COX10: variants seen among roughly 807,000 people sequenced by gnomAD.
COX10 encodes protoheme IX farnesyltransferase, mitochondrial.
COX10 carries 27 observed loss-of-function variants against 37.3 expected under a neutral mutation model. The observed-to-expected ratio is 0.72, with a 90% confidence interval of 0.53 to 1.00. The LOEUF is 1.00. Ranked by LOEUF, COX10 falls within the 50% of genes least tolerant of loss-of-function variation. The pLI is 0.00. For missense variants in COX10, 475 were observed against 563.2 expected (o/e 0.84, Z 1.59); for synonymous variants, 222 against 229.1 (o/e 0.97, Z 0.28).
intron 4 of COX10, among the ~76,000 whole-genome samples, chr17:14,139,085 A>G (rs1007225088): frequency 2.0e-5 from 3 of 152,206 alleles, no homozygotes; most frequent in African/African-American, 7.2e-5. Context: ...GAAATAATAC[A>G]CAAAAGAACT....
intron 4 of COX10, among the ~76,000 whole-genome samples, chr17:14,143,247 T>C (rs1036991494): frequency 2.0e-5 from 3 of 152,212 alleles, no homozygotes; most frequent in African/African-American, 7.2e-5. Context: ...AATACCATTA[T>C]TTACTATTTA....
chr17:14,071,897 C>T (rs1915033744), intron 1 of COX10, among the ~76,000 whole-genome samples: 1 of 151,828 alleles, frequency 6.6e-6, no homozygotes, highest in Non-Finnish European at 1.5e-5. Context: ...GAGACTCCAT[C>T]TCAAAAAATA....
chr17:14,156,235 T>TA (rs200833188), intron 4 of COX10, among the ~76,000 whole-genome samples: 1 of 149,380 alleles, frequency 6.7e-6, no homozygotes, highest in Non-Finnish European at 1.5e-5. Flanking sequence ...TAAATCTGAA[T>TA]TTTTTTTTTG....
chr17:14,138,142 T>A lies in COX10; in HGVS notation c.625-21735T>A, dbSNP rs60901766. 5.4e-3 allele frequency among the ~76,000 whole-genome samples: 824 copies of A among 152,264 alleles called. 9 individuals are homozygous for A. The highest frequency in any genetic ancestry group is 0.019 in the African/African-American group (770 of 41,566). The stretch of plus-strand genomic sequence containing the variant: ...CACTCAGCTATAATATATTGGCTTG[T>A]AGCTCTTGATCAGTTCTTTTCAATA... On this transcript the variant is annotated intron_variant, in intron 4 of 6. Coordinates refer to ENST00000261643, the MANE Select transcript of COX10 (RefSeq NM_001303.4).
intron 1 of COX10, among the ~76,000 whole-genome samples, chr17:14,073,350 GGATGTTCCTGAAGTCTTCA>G (rs369077844): frequency 0.012 from 1,888 of 152,252 alleles, 32 homozygotes; most frequent in Admixed American, 0.036. Context: ...GGAGAGTTCA[GGATGTTCCTGAAGTCTTCA>G]GATGTTCCTG....
At chr17:14,102,368 C>CT in intron 4 of COX10, 126 bp downstream of exon 4, 1 of 1,377,522 alleles carries the variant, frequency 7.3e-7, no homozygotes, top group South Asian at 1.2e-5. Context: ...ACTATATATC[C>CT]TATAGGAGCC....
At chr17:14,140,374 A>G (rs1904502380) in intron 4 of COX10, among the ~76,000 whole-genome samples, 1 of 152,118 alleles carries the variant, frequency 6.6e-6, no homozygotes, top group South Asian at 2.1e-4. Context: ...TGACTGCCTC[A>G]TATTCTATCA....
At chr17:14,099,409 A>C (rs1462415583) in intron 3 of COX10, among the ~76,000 whole-genome samples, 1 of 152,114 alleles carries the variant, frequency 6.6e-6, no homozygotes, top group South Asian at 2.1e-4. Flanking sequence ...ATATGGTACA[A>C]CTATAAAGGA....
intron 4 of COX10, among the ~76,000 whole-genome samples, chr17:14,124,961 A>G (rs950045923): frequency 3.3e-5 from 5 of 152,098 alleles, no homozygotes; most frequent in Non-Finnish European, 7.4e-5. Context: ...TATTTTTTCT[A>G]TTGCTTTACT....
chr17:14,074,151 C>G (rs1453709011), intron 1 of COX10, among the ~76,000 whole-genome samples, 172 bp from the exon 2 acceptor site: 1 of 152,176 alleles, frequency 6.6e-6, no homozygotes, highest in South Asian at 2.1e-4. Context: ...ATGAGTAGGG[C>G]TGGTAAATTG....
chr17:14,195,354 C>T (rs752125644), intron 6 of COX10, among the ~76,000 whole-genome samples: 14 of 152,082 alleles, frequency 9.2e-5, no homozygotes, highest in Non-Finnish European at 1.8e-4. Context: ...AAGTCATCTT[C>T]TAGAGCTGTA....
At chr17:14,171,330 T>C (rs1905460641) in intron 5 of COX10, among the ~76,000 whole-genome samples, 9 of 152,208 alleles carry the variant, frequency 5.9e-5, no homozygotes, top group Admixed American at 5.9e-4. Flanking sequence ...ACACTAAGTG[T>C]TGTCAAAGGT....
intron 3 of COX10, among the ~76,000 whole-genome samples, chr17:14,093,400 A>G (rs1441854904): frequency 6.6e-6 from 1 of 152,206 alleles, no homozygotes; most frequent in Non-Finnish European, 1.5e-5. Context: ...CATTATGCTT[A>G]TGCTTAGAGA....
At position 14,140,456 on chromosome 17, in the gene COX10, A is replaced by G. The variant is rs974217962; in HGVS notation, c.625-19421A>G. Reference sequence around the variant, plus strand: ...ATACCTGTTAACAACTACAGTAGATACTTTTTATGGTTGGCATGTAGTTTT... The same window carrying G: ...ATACCTGTTAACAACTACAGTAGATGCTTTTTATGGTTGGCATGTAGTTTT... On this transcript the variant is annotated intron_variant, in intron 4 of 6. Coordinates refer to ENST00000261643, the MANE Select transcript of COX10 (RefSeq NM_001303.4). Among the ~76,000 whole-genome samples the G allele has an allele frequency of 3.3e-5, 5 of 152,102 alleles. No individual in the cohort carries two copies. In the South Asian group the frequency reaches 1.0e-3, roughly 31 times the overall value.
chr17:14,076,111 C>CTTTT (rs376434284), intron 2 of COX10, among the ~76,000 whole-genome samples: 1,218 of 103,194 alleles, frequency 0.012, 10 homozygotes, highest in African/African-American at 0.014. Context: ...TCTTTTTTGT[C>CTTTT]TTTTTTTTTT....
At chr17:14,161,934 A>G (rs1905178101) in intron 5 of COX10, among the ~76,000 whole-genome samples, 1 of 152,134 alleles carries the variant, frequency 6.6e-6, no homozygotes, top group African/African-American at 2.4e-5. Flanking sequence ...TACACATCCT[A>G]TTGGTTCTGT....
intron 4 of COX10, among the ~76,000 whole-genome samples, chr17:14,114,605 C>T (rs1216949619): frequency 2.0e-5 from 3 of 152,020 alleles, no homozygotes; most frequent in Non-Finnish European, 4.4e-5. Flanking sequence ...ACATTAACAC[C>T]GTAATCCTCT....
At chr17:14,103,100 G>GT (rs201828390) in intron 4 of COX10, among the ~76,000 whole-genome samples, 49 of 151,726 alleles carry the variant, frequency 3.2e-4, no homozygotes, top group Admixed American at 1.6e-3. Context: ...TTTCAAATAA[G>GT]TTTTTTTGTT....
At chr17:14,152,404 A>G (rs924255540) in intron 4 of COX10, among the ~76,000 whole-genome samples, 3 of 152,192 alleles carry the variant, frequency 2.0e-5, no homozygotes, top group African/African-American at 7.2e-5. Context: ...CACTACTACA[A>G]GAACAGTATG....
Sources: gnomAD v4.1 joint callset for allele counts (sites outside exome capture counted in the v4.1 genomes callset) on GRCh38, gnomAD v4.1.1 for gene constraint, MANE v1.5 for transcripts, NCBI Gene and HGNC (gene_info 2026-07-23, HGNC 2026-07-21) for gene names.